The following WDR72 variants were observed in gnomAD, a reference collection of about 807,000 sequenced individuals.
WDR72 encodes the protein WD repeat domain 72, also known as WD repeat-containing protein 72.
WDR72 carries 120 observed loss-of-function variants against 124.2 expected under a neutral mutation model. The observed-to-expected ratio is 0.97, with a 90% CI of 0.83 to 1.12. WDR72 has a LOEUF of 1.12. Ranked by LOEUF, WDR72 falls within the 50% of genes most tolerant of loss-of-function variation. The pLI, the probability that WDR72 is intolerant of heterozygous loss-of-function variation, is 0.00. For missense variants in WDR72, 1,387 were observed against 1,278.8 expected (o/e 1.08, Z -1.29); for synonymous variants, 452 against 441.7 (o/e 1.02, Z -0.29).
At chr15:53,630,083 A>AATAGCT (rs3081269) in intron 14 of WDR72, among the ~76,000 whole-genome samples, 55,666 of 151,608 alleles carry the variant, frequency 0.37, 11,643 homozygotes, top group African/African-American at 0.56. Context: ...AAATACTATG[A>AATAGCT]ATCTGCCAGC....
rs575983482 is a variant in WDR72, at chr15:53,658,306, G to A, written c.1962+7266C>T. ...CTCTGTATCTTGAACATAACAGCTCGCAATGGTAGAGAAACCCAATCAAAA... is the reference window on the plus strand; with the variant it reads ...CTCTGTATCTTGAACATAACAGCTCACAATGGTAGAGAAACCCAATCAAAA... On this transcript the variant is annotated intron_variant, in intron 14 of 19. Coordinates refer to ENST00000360509, the MANE Select transcript of WDR72 (RefSeq NM_182758.4). Among the ~76,000 whole-genome samples, 13 of 152,030 alleles carry A rather than the reference G, an allele frequency of 8.6e-5. No individual in the cohort carries two copies. The South Asian group carries it at 2.3e-3, about 27-fold the overall frequency.
chr15:53,718,182 G>A (rs1204164312), intron 3 of WDR72, among the ~76,000 whole-genome samples: 1 of 149,658 alleles, frequency 6.7e-6, no homozygotes, highest in East Asian at 1.9e-4. Flanking sequence ...CTAATTCCAT[G>A]ACTCTGTGTT....
intron 18 of WDR72, among the ~76,000 whole-genome samples, chr15:53,577,005 C>T (rs1476914827): frequency 6.6e-6 from 1 of 152,122 alleles, no homozygotes; most frequent in Non-Finnish European, 1.5e-5. Flanking sequence ...TGCTTTAGAG[C>T]TCCAAGACTG....
intron 19 of WDR72, among the ~76,000 whole-genome samples, chr15:53,518,659 C>G (rs1338303591): frequency 6.6e-6 from 1 of 151,646 alleles, no homozygotes. Flanking sequence ...CACATTTTTT[C>G]TGCTTCATGC....
intron 18 of WDR72, among the ~76,000 whole-genome samples, chr15:53,552,476 T>C (rs962703141): frequency 1.3e-5 from 2 of 152,186 alleles, no homozygotes; most frequent in Non-Finnish European, 2.9e-5. Flanking sequence ...TTTGCACAGC[T>C]ACCCAATCTG....
At position 53,678,959 on chromosome 15, in the gene WDR72, G is replaced by C. The variant is rs377553886; in HGVS notation, c.1766-13191C>G. Among the ~76,000 whole-genome samples, 12 of 152,284 alleles carry C rather than the reference G, an allele frequency of 7.9e-5. No homozygotes were observed. In the East Asian group the frequency reaches 1.9e-3, roughly 24 times the overall value. On this transcript the variant is annotated intron_variant, in intron 13 of 19. Coordinates refer to ENST00000360509, the MANE Select transcript of WDR72 (RefSeq NM_182758.4). ...TAAAATGGTGTATACACCTAAAATG[G>C]AGTATCAGTCAGCCTTAAAAAAGGA...
In WDR72 at chr15:53,516,407, A is replaced by G. The variant is rs1349084872; in HGVS notation, c.*1292T>C. ...CATCTCCTGTCTACTGCATCCCAGCATAAGACCTGAGGCTGGTCCCATGCT... is the reference window on the plus strand; with the variant it reads ...CATCTCCTGTCTACTGCATCCCAGCGTAAGACCTGAGGCTGGTCCCATGCT... On this transcript the variant is annotated 3_prime_UTR_variant, in exon 20 of 20. Transcript: ENST00000360509. 3.9e-5 allele frequency: 6 copies of G among 152,160 alleles called. No individual in the cohort carries two copies. Among genetic ancestry groups the G allele is most frequent in the Admixed American group, 2.6e-4 (4 of 15,268 alleles). The allele number at this position is 152,160 out of a possible 1,614,324, so 9.4% of individuals were successfully genotyped here.
chr15:53,620,462 T>C (rs1009301400), intron 14 of WDR72, among the ~76,000 whole-genome samples: 1 of 151,952 alleles, frequency 6.6e-6, no homozygotes, highest in Admixed American at 6.6e-5. Context: ...CTAAAAATAG[T>C]AATCAAAATG....
intron 1 of WDR72, among the ~76,000 whole-genome samples, chr15:53,738,657 C>T (rs780488004): frequency 2.0e-5 from 3 of 152,072 alleles, no homozygotes; most frequent in Non-Finnish European, 4.4e-5. Flanking sequence ...AGTGCAATGG[C>T]GTGATCTCGG....
At chr15:53,555,779 G>T (rs1893907831) in intron 18 of WDR72, among the ~76,000 whole-genome samples, 1 of 151,930 alleles carries the variant, frequency 6.6e-6, no homozygotes, top group Non-Finnish European at 1.5e-5. Context: ...ATATTTCTCA[G>T]CCCTTTACTG....
intron 18 of WDR72, among the ~76,000 whole-genome samples, chr15:53,526,332 A>C (rs992732365): frequency 2.0e-5 from 3 of 152,014 alleles, no homozygotes; most frequent in Non-Finnish European, 2.9e-5. Flanking sequence ...GACATCCTTG[A>C]GTAGGAATGT....
Position 53,615,440 on chromosome 15 carries a change from TG to T in WDR72, c.2765del (p.Ala922AspfsTer17). 6.2e-7 allele frequency: 1 copy of T among 1,610,548 alleles called. No individual in the cohort carries two copies. Among genetic ancestry groups the T allele is most frequent in the Non-Finnish European group, 8.5e-7 (1 of 1,178,382 alleles). ...GTATGTCTTACCTGCCAACTCTACA[TG>T]CCAATTCTAAAGGCATGTTAACTAA... ...NKLVNMPLEL[A>X]CRVGSSFRME... On this transcript the variant is annotated frameshift_variant, in exon 15 of 20. Transcript: ENST00000360509. LOFTEE classifies it high-confidence loss of function.
intron 8 of WDR72, 95 bp downstream of exon 8, chr15:53,711,241 G>A: frequency 1.3e-6 from 2 of 1,573,258 alleles, no homozygotes; most frequent in Non-Finnish European, 1.7e-6. Context: ...TCTGGTTTTT[G>A]ATCATGGGCA....
At chr15:53,755,597 A>C (rs572833507) in intron 1 of WDR72, among the ~76,000 whole-genome samples, 1 of 152,362 alleles carries the variant, frequency 6.6e-6, no homozygotes, top group East Asian at 1.9e-4. Flanking sequence ...AATTAATTTA[A>C]CAAAGATTTA....
chr15:53,612,826 G>C (rs1215389808), intron 16 of WDR72, among the ~76,000 whole-genome samples: 4 of 151,922 alleles, frequency 2.6e-5, no homozygotes, highest in Non-Finnish European at 4.4e-5. Flanking sequence ...CAGGAGTCAA[G>C]AATAGGAACA....
intron 15 of WDR72, 138 bp from the exon 16 acceptor site, chr15:53,613,895 C>T: frequency 1.6e-6 from 1 of 611,542 alleles, no homozygotes; most frequent in South Asian, 1.9e-5. Context: ...ATATCTTTCA[C>T]ATCAATTTCT....
intron 1 of WDR72, among the ~76,000 whole-genome samples, chr15:53,734,860 A>G (rs191685673): frequency 1.8e-4 from 27 of 151,664 alleles, no homozygotes; most frequent in African/African-American, 6.0e-4. Context: ...ATTTCTTCAC[A>G]TGGGGATTCT....
intron 18 of WDR72, among the ~76,000 whole-genome samples, chr15:53,575,358 T>C (rs887290491): frequency 1.3e-5 from 2 of 152,278 alleles, no homozygotes; most frequent in South Asian, 2.1e-4. Flanking sequence ...TATTAGGCTA[T>C]AATCAATATT....
upstream of WDR72, among the ~76,000 whole-genome samples, chr15:53,761,075 G>C (rs2019055059): frequency 6.6e-6 from 1 of 152,076 alleles, no homozygotes; most frequent in Non-Finnish European, 1.5e-5. Context: ...AGTGAGCTGA[G>C]ATCACACCAC....
Sources: allele counts gnomAD v4.1 joint callset (sites outside exome capture counted in the v4.1 genomes callset), GRCh38; gene constraint gnomAD v4.1.1; transcripts MANE v1.5; gene names NCBI Gene and HGNC (gene_info 2026-07-23, HGNC 2026-07-21).